SCUBE1: variants seen among roughly 807,000 people sequenced by gnomAD.
The protein encoded by SCUBE1 is signal peptide, CUB domain and EGF like domain containing 1.
SCUBE1 carries 59 observed loss-of-function variants against 124.4 expected under a neutral mutation model. The observed-to-expected ratio is 0.47, with a 90% CI of 0.38 to 0.59. SCUBE1 has a LOEUF of 0.59. Among genes scored for constraint, SCUBE1 ranks in the 20% least tolerant of loss-of-function variants. The pLI, the probability that SCUBE1 is intolerant of heterozygous loss-of-function variation, is 0.00. For synonymous variants in SCUBE1, 545 were observed against 550.9 expected (o/e 0.99, Z 0.15); for missense variants, 1,150 against 1,371.2 (o/e 0.84, Z 2.55).
chr22:43,305,449 G>T (rs1009291204), intron 3 of SCUBE1, among the ~76,000 whole-genome samples: 10 of 152,200 alleles, frequency 6.6e-5, no homozygotes, highest in African/African-American at 2.4e-4. Flanking sequence ...TGCCCGGGGG[G>T]CTGGGGAAGA....
chr22:43,313,391 G>A (rs1260633529), intron 3 of SCUBE1, among the ~76,000 whole-genome samples: 4 of 152,204 alleles, frequency 2.6e-5, no homozygotes, highest in East Asian at 1.9e-4. Context: ...GATCGGGGTC[G>A]AAGAAAACAT....
chr22:43,226,719 T>C (rs1169618260), intron 10 of SCUBE1, among the ~76,000 whole-genome samples: 1 of 151,722 alleles, frequency 6.6e-6, no homozygotes. Context: ...GATGTCAGAG[T>C]GTGGCGGGGC....
At position 43,207,572 on chromosome 22, in the gene SCUBE1, G is replaced by A; in HGVS notation, c.2776C>T (p.Arg926Cys). Residue 926 changes from arginine to cysteine, a missense_variant, in exon 21 of 22, where the codon CGC becomes TGC. Transcript: ENST00000360835. Reference sequence around the variant, plus strand: ...TGGTGGTTCTCCGAGGCGTACAGGCGCCCATCGCGCACGATGTCCTCTATG... The same window carrying A: ...TGGTGGTTCTCCGAGGCGTACAGGCACCCATCGCGCACGATGTCCTCTATG... ...QLIEDIVRDG[R>C]LYASENHQEI... 3 of 1,614,028 alleles carry A rather than the reference G, an allele frequency of 1.9e-6. No homozygotes were observed. Among genetic ancestry groups the A allele is most frequent in the Non-Finnish European group, 2.5e-6 (3 of 1,179,926 alleles).
At chr22:43,341,909 A>T (rs911852202) in intron 1 of SCUBE1, among the ~76,000 whole-genome samples, 38 of 152,134 alleles carry the variant, frequency 2.5e-4, no homozygotes, top group African/African-American at 8.2e-4. Flanking sequence ...GGGGATAGGC[A>T]CGCCCAGGAA....
chr22:43,218,381 T>A lies in SCUBE1; in HGVS notation c.1765A>T (p.Ile589Phe), dbSNP rs765662650. 3 of 1,613,506 alleles carry A rather than the reference T, an allele frequency of 1.9e-6. No homozygotes were observed. In the Admixed American group the frequency reaches 5.0e-5, roughly 27 times the overall value. ...QAAIKTLRKS[I>F]GRQQFYVQVS... ...TGGACATAGAACTGCTGCCGGCCGA[T>A]GGACTTGCGCAGGGTCTTGATGGCG... Residue 589 changes from isoleucine (I) to phenylalanine (F), a missense_variant, in exon 15 of 22, where the codon ATC (isoleucine) becomes TTC (phenylalanine). This residue lies in a region of SCUBE1 where 757 missense variants were observed against 840.9 expected (regional missense o/e 0.90). Coordinates refer to ENST00000360835, the MANE Select transcript of SCUBE1 (RefSeq NM_173050.5).
intron 5 of SCUBE1, among the ~76,000 whole-genome samples, chr22:43,260,971 C>T (rs1482935689): frequency 6.6e-6 from 1 of 152,266 alleles, no homozygotes; most frequent in African/African-American, 2.4e-5. Flanking sequence ...AAGCCGCCCA[C>T]AGTCAGGCCA....
At chr22:43,279,650 T>A (rs952640237) in intron 4 of SCUBE1, among the ~76,000 whole-genome samples, 2 of 152,224 alleles carry the variant, frequency 1.3e-5, no homozygotes, top group African/African-American at 4.8e-5. Context: ...AGGCAATCTT[T>A]TTTGCTGACT....
At position 43,222,626 on chromosome 22, in the gene SCUBE1, CGG is replaced by C. The variant is rs139005; in HGVS notation, c.1432+10_1432+11del. ...CCAGTGGCATGCAGCATGGACAGGC[CGG>C]GGGGGTTACCTGAGCAGCTGGGCCC... On this transcript the variant is annotated intron_variant, in intron 12 of 21. Coordinates refer to ENST00000360835, the MANE Select transcript of SCUBE1 (RefSeq NM_173050.5). 3 of 1,563,832 alleles carry C rather than the reference CGG, an allele frequency of 1.9e-6. No individual in the cohort carries two copies. Among genetic ancestry groups the C allele is most frequent in the South Asian group, 1.2e-5 (1 of 86,358 alleles).
intron 14 of SCUBE1, among the ~76,000 whole-genome samples, chr22:43,220,212 C>T (rs939709387): frequency 2.0e-5 from 3 of 152,292 alleles, no homozygotes; most frequent in African/African-American, 7.2e-5. Flanking sequence ...GAGGTCACCT[C>T]GGCTCTTCTG....
At chr22:43,307,675 G>A (rs1172456563) in intron 3 of SCUBE1, among the ~76,000 whole-genome samples, 4 of 152,200 alleles carry the variant, frequency 2.6e-5, no homozygotes, top group African/African-American at 9.7e-5. Flanking sequence ...ATGGGGAGCA[G>A]AGCTCTAACT....
At chr22:43,231,421 T>C (rs954071990) in intron 8 of SCUBE1, among the ~76,000 whole-genome samples, 49 of 152,206 alleles carry the variant, frequency 3.2e-4, no homozygotes, top group African/African-American at 1.2e-3. Flanking sequence ...TTCCAACAGA[T>C]GGCAGCATCC....
chr22:43,342,939 G>T (rs1021955337), intron 1 of SCUBE1, among the ~76,000 whole-genome samples: 1 of 151,460 alleles, frequency 6.6e-6, no homozygotes, highest in Non-Finnish European at 1.5e-5. Flanking sequence ...TCCCCTCCCG[G>T]GGCCCCGGCC....
intron 3 of SCUBE1, among the ~76,000 whole-genome samples, chr22:43,306,196 T>C (rs1925963533): frequency 6.6e-6 from 1 of 152,222 alleles, no homozygotes; most frequent in African/African-American, 2.4e-5. Flanking sequence ...ATGCCCTTAA[T>C]TGTTGCTAAT....
At chr22:43,207,425 C>A (rs1921335178) in intron 21 of SCUBE1, 109 bp downstream of exon 21, 1 of 831,374 alleles carries the variant, frequency 1.2e-6, no homozygotes, top group Non-Finnish European at 2.1e-6. Flanking sequence ...CCATCACCAC[C>A]CACCCTCCCT....
At chr22:43,220,350 G>A in intron 14 of SCUBE1, 100 bp downstream of exon 14, 1 of 1,346,008 alleles carries the variant, frequency 7.4e-7, no homozygotes, top group Non-Finnish European at 1.0e-6. Context: ...CTGTGCTCTG[G>A]TGGGAGCCTA....
At chr22:43,285,467 T>C (rs1335969620) in intron 4 of SCUBE1, among the ~76,000 whole-genome samples, 1 of 152,180 alleles carries the variant, frequency 6.6e-6, no homozygotes, top group Non-Finnish European at 1.5e-5. Context: ...GCTCCCAAGC[T>C]GCAGGGACAC....
At chr22:43,294,518 A>C (rs1925487070) in intron 3 of SCUBE1, among the ~76,000 whole-genome samples, 1 of 152,122 alleles carries the variant, frequency 6.6e-6, no homozygotes, top group South Asian at 2.1e-4. Context: ...ACACCGCCCC[A>C]TGGTCCCCCA....
At chr22:43,280,109 G>A (rs532040743) in intron 4 of SCUBE1, among the ~76,000 whole-genome samples, 6 of 152,072 alleles carry the variant, frequency 3.9e-5, no homozygotes, top group African/African-American at 7.2e-5. Context: ...TTCCCGGACC[G>A]CATGAATCTG....
At chr22:43,296,002 C>A (rs915631701) in intron 3 of SCUBE1, among the ~76,000 whole-genome samples, 1 of 148,316 alleles carries the variant, frequency 6.7e-6, no homozygotes, top group Non-Finnish European at 1.5e-5. Context: ...AGGGCCCAGA[C>A]AGGGAAGGGC....
Sources: allele counts gnomAD v4.1 joint callset (sites outside exome capture counted in the v4.1 genomes callset), GRCh38; gene constraint gnomAD v4.1.1; regional missense constraint gnomAD v4.1.1; transcripts MANE v1.5; gene names NCBI Gene and HGNC (gene_info 2026-07-23, HGNC 2026-07-21).